Variants in KIAA1217 observed in about 807,000 individuals in gnomAD.
KIAA1217 encodes KIAA1217, also known as sickle tail protein homolog.
A neutral mutation model predicts 163.9 loss-of-function variants in KIAA1217; 88 were observed. That is an observed-to-expected ratio of 0.54 (90% CI 0.45 to 0.64). The LOEUF (loss-of-function observed/expected upper bound fraction) is 0.64. KIAA1217 is among the 30% of genes least tolerant of loss of function. KIAA1217 has a pLI of 0.00. For missense variants in KIAA1217, 2,372 were observed against 2,475.0 expected, an observed-to-expected ratio of 0.96 and a Z score of 0.88; for synonymous variants, 903 against 923.1, an observed-to-expected ratio of 0.98 and a Z score of 0.39.
intron 3 of KIAA1217, among the ~76,000 whole-genome samples, chr10:24,405,253 C>A (rs530729493): frequency 2.6e-5 from 4 of 152,034 alleles, no homozygotes; most frequent in Admixed American, 1.3e-4. Flanking sequence ...GCAAAGAGTG[C>A]CTGCGACCTC....
At chr10:23,910,312 A>AAAAGT (rs1842380838) in intron 1 of KIAA1217, among the ~76,000 whole-genome samples, 1 of 152,094 alleles carries the variant, frequency 6.6e-6, no homozygotes, top group Non-Finnish European at 1.5e-5. Context: ...AAAAGAAAAG[A>AAAAGT]AAAGAAAGCT....
intron 1 of KIAA1217, among the ~76,000 whole-genome samples, chr10:23,833,221 G>T (rs545715323): frequency 1.3e-5 from 2 of 152,206 alleles, no homozygotes; most frequent in East Asian, 3.9e-4. Flanking sequence ...CCTAGCAAAA[G>T]CTTGGCTTAC....
intron 3 of KIAA1217, among the ~76,000 whole-genome samples, chr10:24,399,227 G>T (rs1267701949): frequency 1.3e-5 from 2 of 152,082 alleles, no homozygotes; most frequent in Admixed American, 1.3e-4. Flanking sequence ...ATGAACTGAG[G>T]TTTTTTTCTT....
At chr10:24,488,126 G>A (rs2065639771) in intron 6 of KIAA1217, among the ~76,000 whole-genome samples, 1 of 152,188 alleles carries the variant, frequency 6.6e-6, no homozygotes. Context: ...CATACTTAGA[G>A]GGGGTCTTGG....
At chr10:24,242,896 T>C (rs1341863070) in intron 2 of KIAA1217, among the ~76,000 whole-genome samples, 1 of 152,204 alleles carries the variant, frequency 6.6e-6, no homozygotes, top group Non-Finnish European at 1.5e-5. Context: ...CTTTTCAGAA[T>C]TGTCTGTTTA....
At chr10:24,075,119 T>C (rs998484483) in intron 2 of KIAA1217, among the ~76,000 whole-genome samples, 12 of 131,502 alleles carry the variant, frequency 9.1e-5, no homozygotes, top group Middle Eastern at 3.6e-3. Context: ...TCCCCCTAAA[T>C]ACACACACAC....
intron 1 of KIAA1217, among the ~76,000 whole-genome samples, chr10:23,957,698 G>A (rs1433881730): frequency 6.6e-6 from 1 of 152,048 alleles, no homozygotes. Flanking sequence ...CTCCAGTCTG[G>A]GTAACATACT....
intron 1 of KIAA1217, among the ~76,000 whole-genome samples, chr10:23,985,868 GC>G (rs1845950595): frequency 1.3e-5 from 2 of 152,256 alleles, no homozygotes; most frequent in South Asian, 4.1e-4. Flanking sequence ...TCTGTAGGCT[GC>G]CCCTCTTGTA....
At chr10:24,085,179 G>T (rs780696907) in intron 2 of KIAA1217, among the ~76,000 whole-genome samples, 1 of 152,148 alleles carries the variant, frequency 6.6e-6, no homozygotes, top group Non-Finnish European at 1.5e-5. Context: ...CTCCCAAAGT[G>T]CTGGGATTAC....
chr10:23,958,967 C>A (rs1844693865), intron 1 of KIAA1217, among the ~76,000 whole-genome samples: 1 of 149,514 alleles, frequency 6.7e-6, no homozygotes, highest in Admixed American at 6.8e-5. Context: ...TAGGGTGTCT[C>A]ATCCACTACC....
intron 2 of KIAA1217, among the ~76,000 whole-genome samples, chr10:24,275,069 C>G (rs2077134623): frequency 6.6e-6 from 1 of 152,162 alleles, no homozygotes; most frequent in African/African-American, 2.4e-5. Flanking sequence ...TCCCAAATAT[C>G]TGGGACTACA....
intron 2 of KIAA1217, among the ~76,000 whole-genome samples, chr10:24,090,733 G>A (rs1484481354): frequency 1.3e-5 from 2 of 151,812 alleles, no homozygotes; most frequent in African/African-American, 4.9e-5. Context: ...CACAATCGCA[G>A]AGCTGCTTCC....
intron 2 of KIAA1217, among the ~76,000 whole-genome samples, chr10:24,266,695 A>G (rs1184801405): frequency 2.0e-5 from 3 of 152,160 alleles, no homozygotes; most frequent in Admixed American, 2.0e-4. Flanking sequence ...AAACGCACCA[A>G]TCAGCAGGAG....
chr10:24,272,608 T>A (rs2076880245), intron 2 of KIAA1217, among the ~76,000 whole-genome samples: 1 of 152,222 alleles, frequency 6.6e-6, no homozygotes, highest in South Asian at 2.1e-4. Flanking sequence ...ACTCGAATTC[T>A]AGCCACATTC....
intron 1 of KIAA1217, among the ~76,000 whole-genome samples, chr10:23,743,308 C>A (rs1186286677): frequency 6.6e-6 from 1 of 151,958 alleles, no homozygotes; most frequent in Non-Finnish European, 1.5e-5. Flanking sequence ...CCACCCAACA[C>A]CTATTTCCAT....
chr10:24,513,155 C>A, intron 9 of KIAA1217, 104 bp from the exon 10 acceptor site: 1 of 987,996 alleles, frequency 1.0e-6, no homozygotes, highest in Non-Finnish European at 1.5e-6. Context: ...AAAGATTCAG[C>A]CGCAGGGCTG....
chr10:23,798,429 G>A (rs1836309363), intron 1 of KIAA1217, among the ~76,000 whole-genome samples: 1 of 152,190 alleles, frequency 6.6e-6, no homozygotes, highest in East Asian at 1.9e-4. Context: ...ATCATCTTCA[G>A]CATTGGCTTG....
chr10:23,813,073 A>C (rs1837148751), intron 1 of KIAA1217, among the ~76,000 whole-genome samples: 1 of 152,180 alleles, frequency 6.6e-6, no homozygotes, highest in Non-Finnish European at 1.5e-5. Context: ...AGAAGGTTTC[A>C]AAGTCTCTAC....
chr10:24,130,036 A>C (rs2063596325), intron 2 of KIAA1217, among the ~76,000 whole-genome samples: 1 of 152,094 alleles, frequency 6.6e-6, no homozygotes. Flanking sequence ...TATTCTTCAG[A>C]AACTTGTTCA....
Sources: gnomAD v4.1 joint callset for allele counts (sites outside exome capture counted in the v4.1 genomes callset) on GRCh38, gnomAD v4.1.1 for gene constraint, MANE v1.5 for transcripts, NCBI Gene and HGNC (gene_info 2026-07-23, HGNC 2026-07-21) for gene names.